The following MAGI2 variants were observed in gnomAD, a reference collection of about 807,000 sequenced individuals.
MAGI2 encodes membrane-associated guanylate kinase, WW and PDZ domain-containing protein 2.
In MAGI2, 35 loss-of-function variants were observed where a neutral mutation model predicts 133.3. That is an observed-to-expected ratio of 0.26 (90% CI 0.20 to 0.35). The LOEUF is 0.35. Ranked by LOEUF, MAGI2 falls within the 10% of genes least tolerant of loss-of-function variation. The pLI is 1.00. For missense variants in MAGI2, 1,636 were observed against 1,863.4 expected (o/e 0.88, Z 2.25); for synonymous variants, 729 against 710.6 (o/e 1.03, Z -0.41).
chr7:78,250,404 G>A lies in MAGI2; in HGVS notation c.2047+5539C>T, dbSNP rs1199169266. On this transcript the variant is annotated intron_variant, in intron 10 of 21. Coordinates refer to ENST00000354212, the MANE Select transcript of MAGI2 (RefSeq NM_012301.4). ...GAATTTAGCTAAAGAAGTAGTTGGA[G>A]TGAAATTTATAGTTTTAAGTGATTT... Among the ~76,000 whole-genome samples the A allele has an allele frequency of 3.3e-5, 5 of 152,074 alleles. No homozygotes were observed. The South Asian group carries it at 6.2e-4, about 19-fold the overall frequency.
intron 1 of MAGI2, among the ~76,000 whole-genome samples, chr7:79,271,121 A>G (rs1377158567): frequency 2.6e-5 from 4 of 152,066 alleles, no homozygotes; most frequent in Admixed American, 6.6e-5. Flanking sequence ...CTCTGTGCTA[A>G]TAAGTTGCAA....
intron 1 of MAGI2, among the ~76,000 whole-genome samples, chr7:79,301,063 G>A (rs1242853802): frequency 6.6e-6 from 1 of 152,260 alleles, no homozygotes; most frequent in Non-Finnish European, 1.5e-5. Context: ...GGAAAAGCCT[G>A]GGTGCCCAAC....
At chr7:78,323,596 C>G (rs1425825948) in intron 9 of MAGI2, among the ~76,000 whole-genome samples, 1 of 152,186 alleles carries the variant, frequency 6.6e-6, no homozygotes, top group Admixed American at 6.5e-5. Context: ...TACGCTTAGT[C>G]TAACTAGTTA....
In MAGI2 at chr7:79,349,850, C is replaced by T. The variant is rs564714659; in HGVS notation, c.301+103170G>A. Among the ~76,000 whole-genome samples, 7 of 151,944 alleles carry T rather than the reference C, an allele frequency of 4.6e-5. No individual in the cohort carries two copies. The South Asian group carries it at 1.2e-3, about 27-fold the overall frequency. ...TTATAATCCTAATTCTATCACTTAC[C>T]CTCTCTGTGACCTTGGGCTAGGTGC... is the stretch of plus-strand genomic sequence containing the variant. On this transcript the variant is annotated intron_variant, in intron 1 of 21. Coordinates refer to ENST00000354212, the MANE Select transcript of MAGI2 (RefSeq NM_012301.4).
chr7:78,917,021 C>A (rs1242711399), intron 2 of MAGI2, among the ~76,000 whole-genome samples: 1 of 152,008 alleles, frequency 6.6e-6, no homozygotes, highest in African/African-American at 2.4e-5. Context: ...AAGAGAGATA[C>A]CCAAAGGTAG....
At chr7:79,255,200 C>T (rs1833596679) in intron 1 of MAGI2, among the ~76,000 whole-genome samples, 1 of 152,184 alleles carries the variant, frequency 6.6e-6, no homozygotes, top group Non-Finnish European at 1.5e-5. Context: ...CAAACCAAAT[C>T]TGTCTTCCAA....
chr7:78,160,010 A>G lies in MAGI2; in HGVS notation c.2845+15T>C, dbSNP rs1347330433. The G allele has an allele frequency of 6.5e-7, 1 of 1,532,208 alleles. No individual in the cohort carries two copies. The highest frequency in any genetic ancestry group is 8.8e-7 in the Non-Finnish European group (1 of 1,137,748). 94.9% of individuals were successfully genotyped at this position (1,532,208 alleles called of 1,614,324 possible). A position where few individuals can be genotyped will look rare whatever the true frequency, so the allele number is the denominator to read the frequency against. On this transcript the variant is annotated intron_variant, in intron 16 of 21. Coordinates refer to ENST00000354212, the MANE Select transcript of MAGI2 (RefSeq NM_012301.4). The stretch of plus-strand genomic sequence containing the variant: ...AAGACCCCTTATTCAAATGCAGGCA[A>G]ATTTCAGCACTTACTTATAGTGGAT...
At chr7:78,504,266 A>G (rs917834426) in intron 4 of MAGI2, among the ~76,000 whole-genome samples, 4 of 152,166 alleles carry the variant, frequency 2.6e-5, no homozygotes, top group Non-Finnish European at 5.9e-5. Context: ...GGATGAGATT[A>G]TTGGGCAAAT....
chr7:79,312,870 G>A (rs1022542075), intron 1 of MAGI2, among the ~76,000 whole-genome samples: 1 of 152,124 alleles, frequency 6.6e-6, no homozygotes, highest in African/African-American at 2.4e-5. Flanking sequence ...TAAAGATGCA[G>A]TTGCACCGTA....
chr7:78,714,262 T>G (rs1819492951), intron 2 of MAGI2, among the ~76,000 whole-genome samples: 1 of 152,186 alleles, frequency 6.6e-6, no homozygotes, highest in Non-Finnish European at 1.5e-5. Context: ...AAGCTCAGTC[T>G]ACAAAACCAT....
chr7:78,978,633 C>G (rs1018221020), intron 2 of MAGI2, among the ~76,000 whole-genome samples: 4 of 151,834 alleles, frequency 2.6e-5, no homozygotes, highest in Non-Finnish European at 5.9e-5. Flanking sequence ...GAATCTTAAT[C>G]CATGCCAATT....
intron 6 of MAGI2, among the ~76,000 whole-genome samples, chr7:78,448,152 T>C (rs1695971112): frequency 6.6e-6 from 1 of 152,086 alleles, no homozygotes; most frequent in Admixed American, 6.6e-5. Flanking sequence ...TCATATTTTA[T>C]TTATCTACTA....
chr7:78,180,406 C>A (rs907151948), intron 13 of MAGI2, among the ~76,000 whole-genome samples: 3 of 152,166 alleles, frequency 2.0e-5, no homozygotes, highest in East Asian at 1.9e-4. Flanking sequence ...AGGAATGGAA[C>A]TTTCAGAGGT....
At chr7:78,321,555 C>G (rs1788004301) in intron 9 of MAGI2, among the ~76,000 whole-genome samples, 1 of 152,164 alleles carries the variant, frequency 6.6e-6, no homozygotes, top group Non-Finnish European at 1.5e-5. Context: ...GTTGGGAAAA[C>G]TGGCTAGCCA....
chr7:78,744,297 T>C (rs906766785), intron 2 of MAGI2, among the ~76,000 whole-genome samples: 1 of 152,170 alleles, frequency 6.6e-6, no homozygotes, highest in Non-Finnish European at 1.5e-5. Flanking sequence ...TCATCCTTGT[T>C]TAGTATCATT....
chr7:78,074,424 C>T (rs1481906767), intron 21 of MAGI2, among the ~76,000 whole-genome samples: 1 of 151,990 alleles, frequency 6.6e-6, no homozygotes, highest in Non-Finnish European at 1.5e-5. Context: ...GGTCTTGCTT[C>T]AAAGCTGTCC....
chr7:78,515,229 C>T (rs1282972724), intron 4 of MAGI2, among the ~76,000 whole-genome samples: 6 of 152,128 alleles, frequency 3.9e-5, no homozygotes, highest in Non-Finnish European at 7.4e-5. Flanking sequence ...AAGGAGAGTT[C>T]AATCTTTTAA....
intron 2 of MAGI2, among the ~76,000 whole-genome samples, chr7:78,839,782 A>G (rs1236397327): frequency 6.6e-6 from 1 of 152,098 alleles, no homozygotes; most frequent in African/African-American, 2.4e-5. Flanking sequence ...ATGTTATACT[A>G]CAGTTTATAG....
At chr7:78,335,444 C>T (rs953211534) in intron 9 of MAGI2, among the ~76,000 whole-genome samples, 2 of 152,176 alleles carry the variant, frequency 1.3e-5, no homozygotes, top group African/African-American at 4.8e-5. Flanking sequence ...TCTGACTAGT[C>T]TTCAAACTCT....
Sources: gnomAD v4.1 joint callset for allele counts (sites outside exome capture counted in the v4.1 genomes callset) on GRCh38, gnomAD v4.1.1 for gene constraint, MANE v1.5 for transcripts, NCBI Gene and HGNC (gene_info 2026-07-23, HGNC 2026-07-21) for gene names.